SPATA13: variants seen among roughly 807,000 people sequenced by gnomAD.
SPATA13 encodes spermatogenesis-associated protein 13.
Under a neutral mutation model 104.0 loss-of-function variants are expected in SPATA13, and 50 were observed. That is an observed-to-expected ratio of 0.48 (90% confidence interval 0.38 to 0.61). The LOEUF (loss-of-function observed/expected upper bound fraction) is 0.61. SPATA13 is among the 20% of genes least tolerant of loss of function. The probability of loss-of-function intolerance (pLI) is 0.00; values close to 1 mark genes in which losing one functional copy is unlikely to be tolerated. For missense variants in SPATA13, 1,524 were observed against 1,690.6 expected (o/e 0.90, Z 1.73); for synonymous variants, 606 against 667.5 (o/e 0.91, Z 1.42).
chr13:24,176,270 T>C (rs1868431380), intron 1 of SPATA13, among the ~76,000 whole-genome samples: 1 of 152,218 alleles, frequency 6.6e-6, no homozygotes, highest in Non-Finnish European at 1.5e-5. Context: ...ACATAAGTCA[T>C]GTTGAACTTA....
intron 2 of SPATA13, among the ~76,000 whole-genome samples, chr13:24,233,838 C>T (rs1472819904): frequency 6.6e-6 from 1 of 151,836 alleles, no homozygotes. Flanking sequence ...TGCGGAATCC[C>T]GAGTCTCCTC....
intron 3 of SPATA13, among the ~76,000 whole-genome samples, chr13:24,105,461 A>C (rs566079583): frequency 8.2e-6 from 1 of 122,008 alleles, no homozygotes; most frequent in Admixed American, 7.3e-5. Flanking sequence ...TTTTTTTGAC[A>C]TATCAATTTC....
intron 3 of SPATA13, among the ~76,000 whole-genome samples, chr13:24,147,699 C>T (rs1244486835): frequency 6.6e-6 from 1 of 152,188 alleles, no homozygotes; most frequent in East Asian, 1.9e-4. Context: ...CCAACACCAC[C>T]ATCCATCTCC....
chr13:24,124,024 A>G (rs1055354556), intron 3 of SPATA13, among the ~76,000 whole-genome samples: 3 of 152,148 alleles, frequency 2.0e-5, no homozygotes, highest in Admixed American at 6.5e-5. Flanking sequence ...GGCTCCAGCT[A>G]GGAAAGATTG....
In SPATA13 at chr13:24,182,646, G is replaced by A. The variant is rs182318737; in HGVS notation, c.-112+21714G>A. ...CCCATGACCCAAACACCTCCCCCAG[G>A]CCCCGCTTCAACACTGGGGATCACA... On this transcript the variant is annotated intron_variant, in intron 1 of 12. Coordinates refer to ENST00000382108, the MANE Select transcript of SPATA13 (RefSeq NM_001166271.3). Among the ~76,000 whole-genome samples, 17 of 152,252 alleles carry A rather than the reference G, an allele frequency of 1.1e-4. No individual in the cohort carries two copies. The East Asian group carries it at 3.3e-3, about 29-fold the overall frequency.
At chr13:24,122,536 C>T in intron 3 of SPATA13, 1 of 1,586,260 alleles carries the variant, frequency 6.3e-7, no homozygotes, top group Non-Finnish European at 8.7e-7. Context: ...TTCCTCTGGT[C>T]AGTGCCACGC....
intron 3 of SPATA13, among the ~76,000 whole-genome samples, chr13:24,119,510 C>A (rs1246682385): frequency 6.6e-6 from 1 of 152,168 alleles, no homozygotes; most frequent in Admixed American, 6.5e-5. Context: ...CCTTCATGGG[C>A]ATCTCTCAGA....
intron 3 of SPATA13, among the ~76,000 whole-genome samples, chr13:24,049,740 C>A (rs1490101151): frequency 6.6e-6 from 1 of 152,066 alleles, no homozygotes. Context: ...GGCATGTGCA[C>A]CACATGTGTA....
In SPATA13 at chr13:24,223,775, C is replaced by T. The variant is rs1220546; in HGVS notation, c.846C>T (p.Asp282=). The change falls in exon 2 of 13, where the codon GAC becomes GAT. Residue 282 remains aspartate, a synonymous_variant. Transcript: ENST00000382108. ...TTGCAGACCTCAGGACGGCCCATGA[C>T]GCACGGGTACCACAGAGGACCCTGA... The part of the protein sequence containing the change: ...SNLADLRTAH[D]ARVPQRTLSS... The T allele has an allele frequency of 0.3, 461,614 of 1,551,730 alleles. 70,732 individuals are homozygous for T. The highest frequency in any genetic ancestry group is 0.4 in the East Asian group (16,546 of 40,916).
intron 3 of SPATA13, among the ~76,000 whole-genome samples, chr13:24,118,912 T>TTTTCTTTTCTTTTC (rs55865084): frequency 0.032 from 3,896 of 122,802 alleles, 81 homozygotes; most frequent in South Asian, 0.054. Flanking sequence ...TTTTCTTTTC[T>TTTTCTTTTCTTTTC]TTTTTTTTTT....
chr13:24,134,513 G>A (rs1483054658), intron 3 of SPATA13, among the ~76,000 whole-genome samples: 1 of 152,158 alleles, frequency 6.6e-6, no homozygotes, highest in Non-Finnish European at 1.5e-5. Flanking sequence ...GCCAGGCCTG[G>A]ATTAGCAAAG....
chr13:24,300,539 T>G (rs1205296807), intron 12 of SPATA13, 64 bp downstream of exon 12: 1 of 1,474,278 alleles, frequency 6.8e-7, no homozygotes, highest in South Asian at 1.2e-5. Flanking sequence ...AATGGGAGCA[T>G]ACCCCAAGTT....
chr13:24,217,273 T>C (rs943969667), intron 1 of SPATA13, among the ~76,000 whole-genome samples: 1 of 152,190 alleles, frequency 6.6e-6, no homozygotes, highest in African/African-American at 2.4e-5. Context: ...CTGAAACTAA[T>C]TGGTAGCACA....
chr13:24,024,479 T>G (rs1442152669), intron 3 of SPATA13, among the ~76,000 whole-genome samples: 1 of 152,006 alleles, frequency 6.6e-6, no homozygotes, highest in Non-Finnish European at 1.5e-5. Flanking sequence ...ACCAACCACA[T>G]GCAAGAAGAA....
At chr13:24,085,567 C>A (rs1349883173) in intron 3 of SPATA13, among the ~76,000 whole-genome samples, 1 of 152,196 alleles carries the variant, frequency 6.6e-6, no homozygotes, top group Non-Finnish European at 1.5e-5. Context: ...CCGAGGGACC[C>A]TAGATCCAGA....
At chr13:24,042,470 C>G (rs1877969673) in intron 3 of SPATA13, among the ~76,000 whole-genome samples, 1 of 152,230 alleles carries the variant, frequency 6.6e-6, no homozygotes, top group Non-Finnish European at 1.5e-5. Context: ...CTGTGTGAAG[C>G]CATTGGTGCC....
intron 3 of SPATA13, among the ~76,000 whole-genome samples, chr13:24,133,915 T>C (rs1418010151): frequency 6.6e-6 from 1 of 152,156 alleles, no homozygotes; most frequent in African/African-American, 2.4e-5. Context: ...AGACAGCGCA[T>C]CCAGAGTGGG....
chr13:24,107,416 G>A (rs1340590705), intron 3 of SPATA13, among the ~76,000 whole-genome samples: 1 of 151,986 alleles, frequency 6.6e-6, no homozygotes, highest in Non-Finnish European at 1.5e-5. Flanking sequence ...AAAAATGGTT[G>A]CCAAATGTTA....
At chr13:24,106,536 C>T (rs928397065) in intron 3 of SPATA13, among the ~76,000 whole-genome samples, 1 of 152,198 alleles carries the variant, frequency 6.6e-6, no homozygotes, top group Non-Finnish European at 1.5e-5. Context: ...GTGGCCAAGC[C>T]TGTAGGTGCA....
Sources: allele counts gnomAD v4.1 joint callset (sites outside exome capture counted in the v4.1 genomes callset), GRCh38; gene constraint gnomAD v4.1.1; transcripts MANE v1.5; gene names NCBI Gene and HGNC (gene_info 2026-07-23, HGNC 2026-07-21).